APH1B: variants seen among roughly 807,000 people sequenced by gnomAD.
APH1B encodes the protein aph-1B gamma-secretase subunit.
A neutral mutation model predicts 28.2 loss-of-function variants in APH1B; 27 were observed. That is an observed-to-expected ratio of 0.96 (90% CI 0.70 to 1.32). The LOEUF is 1.32. Among genes scored for constraint, APH1B ranks in the 40% most tolerant of loss-of-function variants. The probability of loss-of-function intolerance (pLI) is 0.00; values close to 1 mark genes in which losing one functional copy is unlikely to be tolerated. For synonymous variants in APH1B, 141 were observed against 124.6 expected, an observed-to-expected ratio of 1.13 and a Z score of -0.88; for missense variants, 305 against 313.6, an observed-to-expected ratio of 0.97 and a Z score of 0.21.
intron 1 of APH1B, 53 bp from the exon 2 acceptor site, chr15:63,279,108 T>C (rs1439163928): frequency 7.4e-7 from 1 of 1,343,826 alleles, no homozygotes; most frequent in East Asian, 2.4e-5. Flanking sequence ...CTTTTAAACA[T>C]TATTAATCCT....
intron 4 of APH1B, among the ~76,000 whole-genome samples, chr15:63,296,860 A>C (rs1350887158): frequency 6.6e-6 from 1 of 152,062 alleles, no homozygotes; most frequent in Non-Finnish European, 1.5e-5. Context: ...GGGTTTCACC[A>C]TGTAGGCCAG....
intron 5 of APH1B, among the ~76,000 whole-genome samples, chr15:63,302,910 G>GTCT (rs1403320493): frequency 6.6e-6 from 1 of 152,066 alleles, no homozygotes; most frequent in African/African-American, 2.4e-5. Context: ...GATAATCAAG[G>GTCT]ATGGGGCCTT....
intron 1 of APH1B, 42 bp downstream of exon 1, chr15:63,277,778 CT>C: frequency 6.3e-7 from 1 of 1,580,562 alleles, no homozygotes; most frequent in Non-Finnish European, 8.6e-7. Flanking sequence ...CGGGGCTCCC[CT>C]CCCCCGCTGG....
intron 2 of APH1B, 48 bp from the exon 3 acceptor site, chr15:63,286,510 C>G: frequency 8.0e-7 from 1 of 1,242,326 alleles, no homozygotes; most frequent in Admixed American, 2.6e-5. Context: ...ATTGCTCTTC[C>G]TTTTTTTTTT....
intron 2 of APH1B, among the ~76,000 whole-genome samples, chr15:63,283,321 G>C (rs1479028127): frequency 1.3e-5 from 2 of 152,080 alleles, no homozygotes; most frequent in Non-Finnish European, 2.9e-5. Context: ...TTCCGCCTCC[G>C]GGGCTCAAGC....
chr15:63,298,309 CAGGT>C (rs1320838682), intron 4 of APH1B, among the ~76,000 whole-genome samples: 1 of 152,188 alleles, frequency 6.6e-6, no homozygotes, highest in Non-Finnish European at 1.5e-5. Flanking sequence ...TCCCTGGCCT[CAGGT>C]AATCCTCCCA....
intron 2 of APH1B, among the ~76,000 whole-genome samples, chr15:63,280,396 C>T (rs191074737): frequency 1.3e-5 from 2 of 152,226 alleles, no homozygotes; most frequent in East Asian, 3.9e-4. Context: ...GATAAATGTG[C>T]TGTCTTTTTT....
At chr15:63,295,267 G>A (rs2038552831) in intron 4 of APH1B, among the ~76,000 whole-genome samples, 1 of 152,190 alleles carries the variant, frequency 6.6e-6, no homozygotes, top group Non-Finnish European at 1.5e-5. Flanking sequence ...TTAATAGAAA[G>A]TAATAGAATC....
chr15:63,302,450 C>T lies in APH1B; in HGVS notation c.584C>T (p.Thr195Ile), dbSNP rs1033432721. The T allele has an allele frequency of 1.9e-6, 3 of 1,613,752 alleles. No homozygotes were observed. The highest frequency in any genetic ancestry group is 2.2e-5 in the East Asian group (1 of 44,862). ...KWGILLIVLL[T>I]HLLVSAQTFI... ...GGCATCCTCCTTATCGTTCTCCTGA[C>T]CCACCTGCTGGTGTCAGCCCAGGTG... is the stretch of plus-strand genomic sequence containing the variant. Residue 195 changes from threonine (T) to isoleucine (I), a missense_variant, in exon 5 of 6, where the codon ACC becomes ATC. Physicochemically the swap from Thr to Ile is moderately conservative, Grantham distance 89. Transcript: ENST00000261879.
intron 2 of APH1B, among the ~76,000 whole-genome samples, chr15:63,283,273 G>A (rs113043124): frequency 2.0e-5 from 3 of 152,294 alleles, no homozygotes; most frequent in African/African-American, 7.2e-5. Context: ...CTGTCACCCA[G>A]GCTAGAGTGC....
In APH1B at chr15:63,307,424, C is replaced by G. The variant is rs1417195839; in HGVS notation, c.*1643C>G. The G allele has an allele frequency of 1.3e-5, 2 of 152,172 alleles. No individual in the cohort carries two copies. The highest frequency in any genetic ancestry group is 4.8e-5 in the African/African-American group (2 of 41,446). 9.4% of individuals were successfully genotyped at this position (152,172 alleles called of 1,614,324 possible). On this transcript the variant is annotated 3_prime_UTR_variant, in exon 6 of 6. Transcript: ENST00000261879. ...GGAGGGCTTCTATCAATGCTGTAAA[C>G]AGTCTGATAAGCGACTGTGGTTATT...
intron 4 of APH1B, among the ~76,000 whole-genome samples, chr15:63,291,355 T>TA (rs1178963244): frequency 1.3e-5 from 2 of 152,224 alleles, no homozygotes; most frequent in African/African-American, 4.8e-5. Context: ...CATTTTATTT[T>TA]AAAAAATTCC....
chr15:63,297,223 G>T (rs2038577345), intron 4 of APH1B, among the ~76,000 whole-genome samples: 1 of 152,054 alleles, frequency 6.6e-6, no homozygotes, highest in Non-Finnish European at 1.5e-5. Context: ...AAGTTTTTTT[G>T]GCTTAAGAAT....
At chr15:63,283,508 G>A (rs1043285540) in intron 2 of APH1B, among the ~76,000 whole-genome samples, 2 of 152,180 alleles carry the variant, frequency 1.3e-5, no homozygotes, top group Non-Finnish European at 2.9e-5. Context: ...GGTATTACAG[G>A]TGTGAGCCAC....
chr15:63,307,299 C>T lies in APH1B; in HGVS notation c.*1518C>T, dbSNP rs866475523. On this transcript the variant is annotated 3_prime_UTR_variant, in exon 6 of 6. Transcript: ENST00000261879. ...CACACATCATTCCAGAGACCAAAAC[C>T]TTACTCATGAACTAGACCTTTATCG... The T allele has an allele frequency of 3.9e-5, 6 of 152,054 alleles. No individual in the cohort carries two copies. Among genetic ancestry groups the T allele is most frequent in the Admixed American group, 2.0e-4 (3 of 15,258 alleles). The allele number at this position is 152,054 out of a possible 1,614,324, so 9.4% of individuals were successfully genotyped here.
chr15:63,281,958 G>T (rs2038393761), intron 2 of APH1B, among the ~76,000 whole-genome samples: 1 of 152,108 alleles, frequency 6.6e-6, no homozygotes, highest in Non-Finnish European at 1.5e-5. Context: ...TTTTCTGAAA[G>T]GACCTTTGGA....
chr15:63,287,481 C>G lies in APH1B; in HGVS notation c.413C>G (p.Ser138Cys), dbSNP rs768885604. The G allele has an allele frequency of 5.6e-6, 9 of 1,613,978 alleles. No homozygotes were observed. The African/African-American group carries it at 1.2e-4, about 22-fold the overall frequency. ...GTATTTTCCTTTGTGAATACCCTATCTGACTCCTTGGGGCCAGGCACAGTG... is the reference window on the plus strand; with the variant it reads ...GTATTTTCCTTTGTGAATACCCTATGTGACTCCTTGGGGCCAGGCACAGTG... ...SGVFSFVNTLSDSLGPGTVGI... is the reference protein window; with the variant it reads ...SGVFSFVNTLCDSLGPGTVGI... Residue 138 changes from serine (S) to cysteine (C), a missense_variant, in exon 4 of 6, where the codon TCT becomes TGT. By Grantham distance (112) the Ser-to-Cys change is moderately radical. Transcript: ENST00000261879.
chr15:63,296,799 A>G (rs538530476), intron 4 of APH1B, among the ~76,000 whole-genome samples: 2 of 152,082 alleles, frequency 1.3e-5, no homozygotes, highest in African/African-American at 4.8e-5. Context: ...CTGGGACTAC[A>G]GGTGTGTGCC....
chr15:63,284,117 G>A (rs897192351), intron 2 of APH1B, among the ~76,000 whole-genome samples: 34 of 151,940 alleles, frequency 2.2e-4, no homozygotes, highest in Non-Finnish European at 1.9e-4. Flanking sequence ...ATGGAGAAGT[G>A]TAAGTCTTTT....
Sources: gnomAD v4.1 joint callset for allele counts (sites outside exome capture counted in the v4.1 genomes callset) on GRCh38, gnomAD v4.1.1 for gene constraint, MANE v1.5 for transcripts, NCBI Gene and HGNC (gene_info 2026-07-23, HGNC 2026-07-21) for gene names.